ANK1: variants seen among roughly 807,000 people sequenced by gnomAD.
The protein encoded by ANK1 is ankyrin-1.
ANK1 carries 51 observed loss-of-function variants against 210.4 expected under a neutral mutation model. That is an observed-to-expected ratio of 0.24 (90% CI 0.19 to 0.31). The LOEUF is 0.31. ANK1 is among the 10% of genes least tolerant of loss of function. ANK1 has a pLI of 1.00. For synonymous variants in ANK1, 967 were observed against 1,025.9 expected, an observed-to-expected ratio of 0.94 and a Z score of 1.10; for missense variants, 2,051 against 2,504.4, an observed-to-expected ratio of 0.82 and a Z score of 3.86.
In ANK1 at chr8:41,876,393, G is replaced by T. The variant is rs1587570024; in HGVS notation, c.126+19962C>A. 2.0e-5 allele frequency among the ~76,000 whole-genome samples: 3 copies of T among 152,232 alleles called. 1 individual carries two copies. The highest frequency in any genetic ancestry group is 1.9e-4 in the East Asian group (1 of 5,192). ...CCTCGCCCCGGAACAGGCCCCACCCGGAGAGGGGCTGACACTGATCGTGCC... is the reference window on the plus strand; with the variant it reads ...CCTCGCCCCGGAACAGGCCCCACCCTGAGAGGGGCTGACACTGATCGTGCC... On this transcript the variant is annotated intron_variant, in intron 1 of 42. Coordinates refer to the ANK1 transcript ENST00000265709.
At chr8:41,826,142 A>AG (rs1173387767) in intron 1 of ANK1, among the ~76,000 whole-genome samples, 2 of 152,130 alleles carry the variant, frequency 1.3e-5, no homozygotes, top group Non-Finnish European at 2.9e-5. Flanking sequence ...AATCCTATAG[A>AG]GGGGAGGGGT....
At position 41,745,658 on chromosome 8, in the gene ANK1, C is replaced by G. The variant is rs577953229; in HGVS notation, c.130-11589G>C. 5.9e-5 allele frequency among the ~76,000 whole-genome samples: 9 copies of G among 152,208 alleles called. No homozygotes were observed. In the South Asian group the frequency reaches 1.7e-3, roughly 28 times the overall value. On this transcript the variant is annotated intron_variant, in intron 2 of 42. Transcript: ENST00000289734. ...GGGCTTCTACACATTTTGGGAATCA[C>G]AGCCAGTATGAAGTTATAATTACAT...
At chr8:41,780,590 G>A (rs1435208305) in intron 1 of ANK1, among the ~76,000 whole-genome samples, 1 of 152,212 alleles carries the variant, frequency 6.6e-6, no homozygotes, top group Non-Finnish European at 1.5e-5. Flanking sequence ...CAGACACTGA[G>A]GGTCAGGGTG....
chr8:41,702,586 T>C (rs1823156401), intron 20 of ANK1, among the ~76,000 whole-genome samples: 1 of 152,190 alleles, frequency 6.6e-6, no homozygotes, highest in Non-Finnish European at 1.5e-5. Flanking sequence ...GTTGAATTAA[T>C]CCATATACTT....
chr8:41,756,547 A>G (rs1839201550), intron 2 of ANK1, among the ~76,000 whole-genome samples: 1 of 151,564 alleles, frequency 6.6e-6, no homozygotes, highest in Non-Finnish European at 1.5e-5. Flanking sequence ...GGTTCAAGCA[A>G]TTCTCCTGTC....
chr8:41,778,862 C>T (rs1272205292), intron 1 of ANK1, among the ~76,000 whole-genome samples: 1 of 152,078 alleles, frequency 6.6e-6, no homozygotes, highest in African/African-American at 2.4e-5. Context: ...GTTTAGGATC[C>T]GACACTGAAC....
chr8:41,714,093 G>A (rs1310768850), intron 16 of ANK1, 63 bp downstream of exon 16: 2 of 1,180,818 alleles, frequency 1.7e-6, no homozygotes, highest in African/African-American at 1.6e-5. Flanking sequence ...CCCTCCCTGA[G>A]GGACTGGAAG....
intron 1 of ANK1, among the ~76,000 whole-genome samples, chr8:41,830,879 A>C (rs1020091538): frequency 6.6e-6 from 1 of 152,134 alleles, no homozygotes; most frequent in South Asian, 2.1e-4. Context: ...TACTGTCATA[A>C]CCTTTGAAGA....
intron 1 of ANK1, among the ~76,000 whole-genome samples, chr8:41,819,956 C>T (rs946270818): frequency 6.6e-6 from 1 of 152,354 alleles, no homozygotes; most frequent in Non-Finnish European, 1.5e-5. Context: ...CCAGCTCAAA[C>T]CACTGGCTTA....
chr8:41,823,648 C>T (rs1361819501), intron 1 of ANK1, among the ~76,000 whole-genome samples: 1 of 151,752 alleles, frequency 6.6e-6, no homozygotes, highest in Non-Finnish European at 1.5e-5. Context: ...TCTGTAGTTC[C>T]AGCTACTCAG....
In ANK1 at chr8:41,867,273, G is replaced by T. The variant is rs115416428; in HGVS notation, c.126+29082C>A. Reference sequence around the variant, plus strand: ...CTCGTCTTGTGATGGGCTTGTTTCAGAGTGGAAGGGGTGAAACTGAGAGGC... The same window carrying T: ...CTCGTCTTGTGATGGGCTTGTTTCATAGTGGAAGGGGTGAAACTGAGAGGC... On this transcript the variant is annotated intron_variant, in intron 1 of 42. Coordinates refer to the ANK1 transcript ENST00000265709. Among the ~76,000 whole-genome samples the T allele has an allele frequency of 5.2e-3, 788 of 152,292 alleles. 3 individuals carry two copies. Among genetic ancestry groups the T allele is most frequent in the African/African-American group, 0.018 (764 of 41,542 alleles).
At chr8:41,878,260 C>T (rs963129470) in intron 1 of ANK1, among the ~76,000 whole-genome samples, 2 of 152,222 alleles carry the variant, frequency 1.3e-5, no homozygotes, top group African/African-American at 4.8e-5. Flanking sequence ...AAGGTTTACT[C>T]TGCATCCAGC....
intron 9 of ANK1, among the ~76,000 whole-genome samples, chr8:41,722,423 G>C (rs751368185): frequency 7.9e-5 from 12 of 152,238 alleles, no homozygotes; most frequent in Non-Finnish European, 1.5e-4. Context: ...CTGGGTAGCT[G>C]TGAGTGGGCC....
Position 41,740,018 on chromosome 8 carries a change from T to C in ANK1, c.130-5949A>G, listed in dbSNP as rs1226090700. 3.9e-5 allele frequency among the ~76,000 whole-genome samples: 6 copies of C among 152,004 alleles called. No individual in the cohort carries two copies. The East Asian group carries it at 1.2e-3, about 29-fold the overall frequency. On this transcript the variant is annotated intron_variant, in intron 2 of 42. Transcript: ENST00000289734. ...GCTCTGTACATCTGGCCCTCTAAGG[T>C]GGGATTTCTTTTCCATGTTTAGCAA...
chr8:41,811,249 G>T (rs1802439741), intron 1 of ANK1, among the ~76,000 whole-genome samples: 1 of 152,048 alleles, frequency 6.6e-6, no homozygotes, highest in African/African-American at 2.4e-5. Context: ...AGGGAGCGGG[G>T]GTTTCAGTTT....
chr8:41,690,712 A>C, intron 31 of ANK1, 113 bp from the exon 32 acceptor site: 1 of 1,492,610 alleles, frequency 6.7e-7, no homozygotes, highest in Middle Eastern at 2.0e-4. Context: ...AGCAAGAGGC[A>C]TGCGGGTGTG....
chr8:41,721,656 CAAAAAAAAAA>C (rs55653901), intron 9 of ANK1, among the ~76,000 whole-genome samples: 2 of 108,128 alleles, frequency 1.8e-5, no homozygotes, highest in South Asian at 2.9e-4. Flanking sequence ...GACTTCATCT[CAAAAAAAAAA>C]AAAAAAAAAA....
Position 41,661,926 on chromosome 8 carries a change from C to T in ANK1, c.5494G>A (p.Val1832Ile). The T allele has an allele frequency of 6.2e-7, 1 of 1,613,978 alleles. No individual in the cohort carries two copies. The highest frequency in any genetic ancestry group is 8.5e-7 in the Non-Finnish European group (1 of 1,180,018). The change falls in exon 41 of 43, where the codon GTT (valine) becomes ATT (isoleucine). Residue 1832 changes from valine (V) to isoleucine (I), a missense_variant. Coordinates refer to ENST00000289734, the MANE Select transcript of ANK1 (RefSeq NM_000037.4). ...GCGCTGGACAAGTCTATCTGTCGAA[C>T]CACCTTGCGAATGATCTAGGAAAGG... Reference protein sequence around the residue: ...IVTKKIIRKVVRQIDLSSADA... With the variant: ...IVTKKIIRKVIRQIDLSSADA...
chr8:41,821,653 G>A (rs560261385), intron 1 of ANK1, among the ~76,000 whole-genome samples: 1 of 152,278 alleles, frequency 6.6e-6, no homozygotes, highest in East Asian at 1.9e-4. Context: ...CTAGCTGCCA[G>A]GGAACACTGC....
Sources: gnomAD v4.1 joint callset for allele counts (sites outside exome capture counted in the v4.1 genomes callset) on GRCh38, gnomAD v4.1.1 for gene constraint, MANE v1.5 for transcripts, NCBI Gene and HGNC (gene_info 2026-07-23, HGNC 2026-07-21) for gene names.